The following TMPPE variants were observed in gnomAD, a reference collection of about 807,000 sequenced individuals.
The protein encoded by TMPPE is transmembrane protein with metallophosphoesterase domain.
Under a neutral mutation model 22.6 loss-of-function variants are expected in TMPPE, and 16 were observed. The ratio of observed to expected loss-of-function variants is 0.71; its 90% CI spans 0.48 to 1.08. The LOEUF (loss-of-function observed/expected upper bound fraction) is 1.08. Among genes scored for constraint, TMPPE ranks in the 50% least tolerant of loss-of-function variants. The pLI, the probability that TMPPE is intolerant of heterozygous loss-of-function variation, is 0.00. For missense variants in TMPPE, 526 were observed against 584.3 expected, an observed-to-expected ratio of 0.90 and a Z score of 1.03; for synonymous variants, 240 against 245.3, an observed-to-expected ratio of 0.98 and a Z score of 0.20.
At position 33,092,809 on chromosome 3, in the gene TMPPE, C is replaced by G. The variant is rs756708185; in HGVS notation, c.*25G>C. On this transcript the variant is annotated 3_prime_UTR_variant, in exon 2 of 2. Transcript: ENST00000342462. The stretch of plus-strand genomic sequence containing the variant: ...TGGAGGGTCGAGGACAAGGGCAGGG[C>G]AGAGGTGCACAGGGCAGGGCCAGTT... The G allele has an allele frequency of 6.4e-7, 1 of 1,566,454 alleles. No homozygotes were observed. The highest frequency in any genetic ancestry group is 1.8e-5 in the Admixed American group (1 of 55,576).
chr3:33,097,008 T>TA lies in TMPPE; in HGVS notation c.-399dup, dbSNP rs587776525. 241 of 1,611,614 alleles carry TA rather than the reference T, an allele frequency of 1.5e-4. No individual in the cohort carries two copies. The highest frequency in any genetic ancestry group is 2.3e-4 in the South Asian group (21 of 90,766). On this transcript the variant is annotated 5_prime_UTR_variant, in exon 1 of 2. It removes the in-frame stop codon of an upstream open reading frame in the 5' UTR. Transcript: ENST00000342462. ...TCCCCGTACCCGGGTCCCGCAGACT[T>TA]ACGCGCAAGCCGCGCGTAGGGCCCA...
Position 33,094,206 on chromosome 3 carries a change from C to A in TMPPE, c.-11G>T. 1 of 1,584,130 alleles carries A rather than the reference C, an allele frequency of 6.3e-7. No homozygotes were observed. The highest frequency in any genetic ancestry group is 1.2e-5 in the South Asian group (1 of 86,626). On this transcript the variant is annotated 5_prime_UTR_variant, in exon 2 of 2. Coordinates refer to ENST00000342462, the MANE Select transcript of TMPPE (RefSeq NM_001039770.3). The stretch of plus-strand genomic sequence containing the variant: ...CCTGAAGATGGCCATTTTCTCTGCT[C>A]CTAGTAGGCTCCCCCACCAGTTCTG...
In TMPPE at chr3:33,093,826, C is replaced by A. The variant is rs1027569592; in HGVS notation, c.370G>T (p.Ala124Ser). The change falls in exon 2 of 2, where the codon GCT becomes TCT. Residue 124 changes from alanine (A) to serine (S), a missense_variant. Physicochemically the swap from Ala to Ser is moderately conservative, Grantham distance 99 (BLOSUM62 1). Coordinates refer to ENST00000342462, the MANE Select transcript of TMPPE (RefSeq NM_001039770.3). This position sits in a 1 kb window ranked among gnomAD's most constrained non-coding sequence, Gnocchi z 6.0. ...FSLAAYSCLG[A>S]YIIMLFFLFI... Reference sequence around the variant, plus strand: ...AGGAAGAAGAGCATGATGATGTAAGCACCCAGGCAGGAGTAGGCCGCCAAG... The same window carrying A: ...AGGAAGAAGAGCATGATGATGTAAGAACCCAGGCAGGAGTAGGCCGCCAAG... 4 of 1,613,520 alleles carry A rather than the reference C, an allele frequency of 2.5e-6. No individual in the cohort carries two copies. In the Admixed American group the frequency reaches 6.7e-5, roughly 27 times the overall value.
In TMPPE at chr3:33,093,429, C is replaced by T. The variant is rs143069303; in HGVS notation, c.767G>A (p.Arg256Gln). 51 of 1,614,014 alleles carry T rather than the reference C, an allele frequency of 3.2e-5. No individual in the cohort carries two copies. The highest frequency in any genetic ancestry group is 2.1e-4 in the South Asian group (19 of 91,082). ...CTGGCCCAGAGGAGCGACAGCCGTC[C>T]GCAGGACCGAGGCTTCTGAGTCGGA... ...DLSDSEASVL[R>Q]TAVAPLGQLH... Residue 256 changes from arginine (R) to glutamine (Q), a missense_variant, in exon 2 of 2, where the codon CGG becomes CAG. By Grantham distance (43) the Arg-to-Gln change is conservative (BLOSUM62 1). Transcript: ENST00000342462. The surrounding 1 kb of genome is among the most constrained non-coding windows in gnomAD (Gnocchi z 6.0).
chr3:33,097,034 G>A lies in TMPPE; in HGVS notation c.-424C>T. 6.2e-7 allele frequency: 1 copy of A among 1,612,432 alleles called. No individual in the cohort carries two copies. The highest frequency in any genetic ancestry group is 8.5e-7 in the Non-Finnish European group (1 of 1,179,052). On this transcript the variant is annotated 5_prime_UTR_variant, in exon 1 of 2. Transcript: ENST00000342462. ...ACGCGCAAGCCGCGCGTAGGGCCCAGAAGCAGCAGAACCAGCAACAGAGGG... is the reference window on the plus strand; with the variant it reads ...ACGCGCAAGCCGCGCGTAGGGCCCAAAAGCAGCAGAACCAGCAACAGAGGG...
chr3:33,094,985 C>A (rs1003913649), intron 1 of TMPPE, among the ~76,000 whole-genome samples: 43 of 152,166 alleles, frequency 2.8e-4, no homozygotes, highest in African/African-American at 1.0e-3. Flanking sequence ...CCGAGGCAGG[C>A]AGATTACCTG....
Position 33,093,959 on chromosome 3 carries a change from T to A in TMPPE, c.237A>T (p.Ser79=). Residue 79 remains serine, a synonymous_variant, in exon 2 of 2, where the codon TCA becomes TCT. Coordinates refer to ENST00000342462, the MANE Select transcript of TMPPE (RefSeq NM_001039770.3). This position sits in a 1 kb window ranked among gnomAD's most constrained non-coding sequence, Gnocchi z 6.0. ...CCACCTTCCAAAGCTGAAAACAGGTTGACTCTGCAGCTGGGGAGTGGCAGA... is the reference window on the plus strand; with the variant it reads ...CCACCTTCCAAAGCTGAAAACAGGTAGACTCTGCAGCTGGGGAGTGGCAGA... ...SNLCHSPAAE[S]TCFQLWKVVV... 3 of 1,614,156 alleles carry A rather than the reference T, an allele frequency of 1.9e-6. No individual in the cohort carries two copies. Among genetic ancestry groups the A allele is most frequent in the Non-Finnish European group, 2.5e-6 (3 of 1,180,022 alleles).
At position 33,092,116 on chromosome 3, in the gene TMPPE, G is replaced by A; in HGVS notation, c.*718C>T. 2 of 985,518 alleles carry A rather than the reference G, an allele frequency of 2.0e-6. No individual in the cohort carries two copies. The highest frequency in any genetic ancestry group is 1.2e-6 in the Non-Finnish European group (1 of 830,052). The allele number at this position is 985,518 out of a possible 1,614,324, so 61.0% of individuals were successfully genotyped here. A position where few individuals can be genotyped will look rare whatever the true frequency, so the allele number is the denominator to read the frequency against. On this transcript the variant is annotated 3_prime_UTR_variant, in exon 2 of 2. Coordinates refer to ENST00000342462, the MANE Select transcript of TMPPE (RefSeq NM_001039770.3). ...GCAAAGCCCTCTGAATTCCTAAGCAGCCATGTTCTCACCATCACCGACCAT... is the reference window on the plus strand; with the variant it reads ...GCAAAGCCCTCTGAATTCCTAAGCAACCATGTTCTCACCATCACCGACCAT...
chr3:33,091,992 C>T lies in TMPPE; in HGVS notation c.*842G>A, dbSNP rs1575498556. 1.0e-6 allele frequency: 1 copy of T among 983,814 alleles called. No individual in the cohort carries two copies. The highest frequency in any genetic ancestry group is 1.7e-5 in the African/African-American group (1 of 57,198). The allele number at this position is 983,814 out of a possible 1,614,324, so 60.9% of individuals were successfully genotyped here. On this transcript the variant is annotated 3_prime_UTR_variant, in exon 2 of 2. Coordinates refer to ENST00000342462, the MANE Select transcript of TMPPE (RefSeq NM_001039770.3). ...ACATATCTTGTCATACTGCCTGTGC[C>T]CTATCTCTCTTTGCCTTGGTTTCCT...
chr3:33,095,446 A>G (rs975115913), intron 1 of TMPPE, among the ~76,000 whole-genome samples: 3 of 152,200 alleles, frequency 2.0e-5, no homozygotes, highest in African/African-American at 7.2e-5. Context: ...GAATGGCGTG[A>G]ACCCTAAAGA....
chr3:33,095,846 G>A (rs1288029810), intron 1 of TMPPE, among the ~76,000 whole-genome samples: 1 of 152,180 alleles, frequency 6.6e-6, no homozygotes, highest in Non-Finnish European at 1.5e-5. Context: ...TGACTCCTAA[G>A]GTCCTACGGG....
Position 33,090,779 on chromosome 3 carries a change from T to C in TMPPE, c.*2055A>G. The stretch of plus-strand genomic sequence containing the variant: ...AACCACATACGAGAGGGTGTTGATG[T>C]TGTTTCTCAGATACATAGGATGGAC... On this transcript the variant is annotated 3_prime_UTR_variant, in exon 2 of 2. Coordinates refer to ENST00000342462, the MANE Select transcript of TMPPE (RefSeq NM_001039770.3). 3.0e-6 allele frequency: 3 copies of C among 984,994 alleles called. No homozygotes were observed. The highest frequency in any genetic ancestry group is 3.6e-6 in the Non-Finnish European group (3 of 829,522). 61.0% of individuals were successfully genotyped at this position (984,994 alleles called of 1,614,324 possible). A position where few individuals can be genotyped will look rare whatever the true frequency, so the allele number is the denominator to read the frequency against.
In TMPPE at chr3:33,093,742, C is replaced by A; in HGVS notation, c.454G>T (p.Val152Phe). ...CTTGTCTTCTCAAGGCTGCCCACGA[C>A]CCTACCACTGCGCCAGGCCAAGAGC... The part of the protein sequence containing the change: ...YQLLAWRSGR[V>F]VGSLEKTRKL... Residue 152 changes from valine (V) to phenylalanine (F), a missense_variant, in exon 2 of 2, where the codon GTC (valine) becomes TTC (phenylalanine). By Grantham distance (50) the Val-to-Phe change is conservative (BLOSUM62 -1). Transcript: ENST00000342462. This position sits in a 1 kb window ranked among gnomAD's most constrained non-coding sequence, Gnocchi z 6.0. 6.2e-7 allele frequency: 1 copy of A among 1,613,914 alleles called. No homozygotes were observed. The highest frequency in any genetic ancestry group is 8.5e-7 in the Non-Finnish European group (1 of 1,179,902).
chr3:33,092,775 G>A lies in TMPPE; in HGVS notation c.*59C>T. ...AGGGGAAAAGCAGGCAAACCACTCTGAAGCAGGATGGAGGGTCGAGGACAA... is the reference window on the plus strand; with the variant it reads ...AGGGGAAAAGCAGGCAAACCACTCTAAAGCAGGATGGAGGGTCGAGGACAA... On this transcript the variant is annotated 3_prime_UTR_variant, in exon 2 of 2. Coordinates refer to ENST00000342462, the MANE Select transcript of TMPPE (RefSeq NM_001039770.3). The A allele has an allele frequency of 6.5e-7, 1 of 1,530,156 alleles. No homozygotes were observed. The highest frequency in any genetic ancestry group is 8.8e-7 in the Non-Finnish European group (1 of 1,139,204). The allele number at this position is 1,530,156 out of a possible 1,614,324, so 94.8% of individuals were successfully genotyped here.
At chr3:33,094,673 C>T (rs1219920260) in intron 1 of TMPPE, among the ~76,000 whole-genome samples, 2 of 11,430 alleles carry the variant, frequency 1.7e-4, no homozygotes, top group African/African-American at 3.1e-4. Flanking sequence ...TCCATTCTCA[C>T]TCTGTCCTGA....
Position 33,093,159 on chromosome 3 carries a change from C to A in TMPPE, c.1037G>T (p.Gly346Val). 6.2e-7 allele frequency: 1 copy of A among 1,614,162 alleles called. No homozygotes were observed. Among genetic ancestry groups the A allele is most frequent in the Non-Finnish European group, 8.5e-7 (1 of 1,180,028 alleles). The change falls in exon 2 of 2, where the codon GGC (glycine) becomes GTC (valine). Residue 346 changes from glycine to valine, a missense_variant. Transcript: ENST00000342462. This position sits in a 1 kb window ranked among gnomAD's most constrained non-coding sequence, Gnocchi z 6.0. Reference protein sequence around the residue: ...DIEADILHYSGHGMDLDKALE... With the variant: ...DIEADILHYSVHGMDLDKALE... ...GGCCTTGTCAAGATCCATGCCATGG[C>A]CAGAGTAGTGCAGGATGTCTGCTTC...
In TMPPE at chr3:33,092,212, C is replaced by T; in HGVS notation, c.*622G>A. 1 of 985,788 alleles carries T rather than the reference C, an allele frequency of 1.0e-6. No individual in the cohort carries two copies. The highest frequency in any genetic ancestry group is 4.7e-5 in the South Asian group (1 of 21,292). 61.1% of individuals were successfully genotyped at this position (985,788 alleles called of 1,614,324 possible). ...GAGCACAGACAGTTAAATAGCATCC[C>T]TCAAGGCCTGGAACAGGAGGAGCTT... On this transcript the variant is annotated 3_prime_UTR_variant, in exon 2 of 2. Coordinates refer to ENST00000342462, the MANE Select transcript of TMPPE (RefSeq NM_001039770.3).
rs1700745672 is a variant in TMPPE at position 33,091,237 on chromosome 3, C to A, written c.*1597G>T. 8 of 985,496 alleles carry A rather than the reference C, an allele frequency of 8.1e-6. No individual in the cohort carries two copies. Among genetic ancestry groups the A allele is most frequent in the Non-Finnish European group, 9.6e-6 (8 of 829,974 alleles). The allele number at this position is 985,496 out of a possible 1,614,324, so 61.0% of individuals were successfully genotyped here. ...TTTCAACTCAAAGATACATTTTAAA[C>A]TGCATGGTATGGCCCACTGTCAATA... On this transcript the variant is annotated 3_prime_UTR_variant, in exon 2 of 2. Transcript: ENST00000342462.
rs1700901851 is a variant in TMPPE at position 33,094,153 on chromosome 3, G to C, written c.43C>G (p.Leu15Val). 6.2e-7 allele frequency: 1 copy of C among 1,612,730 alleles called. No homozygotes were observed. The highest frequency in any genetic ancestry group is 8.5e-7 in the Non-Finnish European group (1 of 1,178,854). ...RQLSLGAKATLAAVTVFVSMI... is the reference protein window; with the variant it reads ...RQLSLGAKATVAAVTVFVSMI... Reference sequence around the variant, plus strand: ...GACACGAAGACAGTGACAGCAGCCAGGGTGGCCTTCGCGCCTAGGGACAGC... The same window carrying C: ...GACACGAAGACAGTGACAGCAGCCACGGTGGCCTTCGCGCCTAGGGACAGC... The change falls in exon 2 of 2, where the codon CTG (leucine) becomes GTG (valine). Residue 15 changes from leucine to valine, a missense_variant. Leu to Val is a conservative substitution (Grantham distance 32, BLOSUM62 1). Coordinates refer to ENST00000342462, the MANE Select transcript of TMPPE (RefSeq NM_001039770.3).
Sources: gnomAD v4.1 joint callset for allele counts (sites outside exome capture counted in the v4.1 genomes callset) on GRCh38, gnomAD v4.1.1 for gene constraint, Gnocchi (gnomAD v3.1) non-coding constraint, MANE v1.5 for transcripts, NCBI Gene and HGNC (gene_info 2026-07-23, HGNC 2026-07-21) for gene names.